Variants in BNC2 observed in about 807,000 individuals in gnomAD.
The protein encoded by BNC2 is zinc finger protein basonuclin-2.
In BNC2, 20 loss-of-function variants were observed where a neutral mutation model predicts 76.3. That is an observed-to-expected ratio of 0.26 (90% confidence interval 0.18 to 0.38). The LOEUF (loss-of-function observed/expected upper bound fraction) is 0.38, where lower values mean the gene tolerates loss of function less well. Ranked by LOEUF, BNC2 falls within the 10% of genes least tolerant of loss-of-function variation. The probability of loss-of-function intolerance (pLI) is 1.00; values close to 1 mark genes in which losing one functional copy is unlikely to be tolerated. For synonymous variants in BNC2, 582 were observed against 514.8 expected, an observed-to-expected ratio of 1.13 and a Z score of -1.77; for missense variants, 1,382 against 1,399.8, an observed-to-expected ratio of 0.99 and a Z score of 0.20.
intron 6 of BNC2, chr9:16,421,390 C>A (rs1293086396): frequency 1.2e-6 from 1 of 806,502 alleles, no homozygotes; most frequent in Non-Finnish European, 1.8e-6. Flanking sequence ...TTCTAGACAT[C>A]TGGTTTTGAA....
At chr9:16,809,352 T>A (rs1418461721) in intron 1 of BNC2, among the ~76,000 whole-genome samples, 5 of 151,152 alleles carry the variant, frequency 3.3e-5, no homozygotes, top group Admixed American at 1.3e-4. Flanking sequence ...GAAAGCTCAA[T>A]TTTTTTTTAT....
intron 3 of BNC2, among the ~76,000 whole-genome samples, chr9:16,670,505 C>G (rs1311039786): frequency 6.6e-6 from 1 of 152,060 alleles, no homozygotes; most frequent in Non-Finnish European, 1.5e-5. Context: ...TTAAGAGTGG[C>G]TGAATAGCTG....
chr9:16,867,709 CCT>C (rs1356050161), intron 1 of BNC2: 2 of 150,060 alleles, frequency 1.3e-5, no homozygotes, highest in Admixed American at 6.7e-5. Context: ...CACCCCCACC[CCT>C]TTTTGAGCCA....
chr9:16,512,481 C>T (rs1054806768), intron 5 of BNC2, among the ~76,000 whole-genome samples: 4 of 140,094 alleles, frequency 2.9e-5, no homozygotes, highest in Non-Finnish European at 4.4e-5. Context: ...AGGTAACACA[C>T]GCGCACACAC....
intron 1 of BNC2, among the ~76,000 whole-genome samples, chr9:16,742,969 T>C (rs1032982998): frequency 2.6e-5 from 4 of 152,210 alleles, no homozygotes; most frequent in African/African-American, 7.2e-5. Context: ...TCAAGTGTAC[T>C]GTCAGAAGGA....
At chr9:16,449,757 T>G (rs1821300533) in intron 5 of BNC2, among the ~76,000 whole-genome samples, 1 of 144,492 alleles carries the variant, frequency 6.9e-6, no homozygotes, top group Non-Finnish European at 1.5e-5. Context: ...GCTGATAGCT[T>G]GGAATTTAGT....
At chr9:16,788,345 A>C (rs1487659207) in intron 1 of BNC2, among the ~76,000 whole-genome samples, 2 of 151,700 alleles carry the variant, frequency 1.3e-5, no homozygotes, top group East Asian at 2.0e-4. Context: ...TGAAGTCAGG[A>C]GATCGAGACC....
chr9:16,742,161 G>T (rs7853424), intron 1 of BNC2, among the ~76,000 whole-genome samples: 137,569 of 152,280 alleles, frequency 0.9, 62,180 homozygotes, highest in Non-Finnish European at 0.92. Context: ...GTATGTAGTG[G>T]TCTAATGTCT....
intron 3 of BNC2, among the ~76,000 whole-genome samples, chr9:16,663,111 G>A (rs1383129393): frequency 8.5e-6 from 1 of 117,662 alleles, no homozygotes; most frequent in Non-Finnish European, 1.9e-5. Flanking sequence ...TGATCCATAG[G>A]CACTCCACTC....
chr9:16,813,638 T>C (rs1311465902), intron 1 of BNC2, among the ~76,000 whole-genome samples: 2 of 152,166 alleles, frequency 1.3e-5, no homozygotes, highest in African/African-American at 2.4e-5. Context: ...AAAGAGGGGA[T>C]GAATAATCAT....
chr9:16,816,534 T>C (rs1010605523), intron 1 of BNC2, among the ~76,000 whole-genome samples: 1 of 152,092 alleles, frequency 6.6e-6, no homozygotes, highest in African/African-American at 2.4e-5. Context: ...ATATACAAAG[T>C]ATAACAATGA....
intron 1 of BNC2, among the ~76,000 whole-genome samples, chr9:16,782,189 G>A (rs1464445779): frequency 2.0e-5 from 3 of 152,024 alleles, no homozygotes; most frequent in Admixed American, 6.6e-5. Context: ...GGAGGCTGAG[G>A]CAGAAGAATT....
intron 5 of BNC2, among the ~76,000 whole-genome samples, chr9:16,538,052 CTCTT>C (rs571929763): frequency 1.4e-4 from 21 of 152,250 alleles, no homozygotes; most frequent in Non-Finnish European, 2.5e-4. Context: ...CTCCAGACGT[CTCTT>C]TGTCAAAGTT....
At position 16,784,317 on chromosome 9, in the gene BNC2, T is replaced by A. The variant is rs945442160; in HGVS notation, c.4-45832A>T. On this transcript the variant is annotated intron_variant, in intron 1 of 6. Transcript: ENST00000380672. Reference sequence around the variant, plus strand: ...AGTCTGGTGCTACTTTTTTAACTATTTACCACTACTACTACTATACTACCA... The same window carrying A: ...AGTCTGGTGCTACTTTTTTAACTATATACCACTACTACTACTATACTACCA... Among the ~76,000 whole-genome samples the A allele has an allele frequency of 5.3e-5, 8 of 152,256 alleles. No individual in the cohort carries two copies. In the East Asian group the frequency reaches 1.4e-3, roughly 26 times the overall value.
At chr9:16,612,348 T>A (rs1264854963) in intron 3 of BNC2, among the ~76,000 whole-genome samples, 3 of 152,206 alleles carry the variant, frequency 2.0e-5, no homozygotes, top group Non-Finnish European at 2.9e-5. Flanking sequence ...ACTGTACACA[T>A]GAAACAGTCT....
chr9:16,559,373 A>G (rs910717634), intron 4 of BNC2, among the ~76,000 whole-genome samples: 1 of 152,216 alleles, frequency 6.6e-6, no homozygotes, highest in African/African-American at 2.4e-5. Flanking sequence ...AGGGAAGCCA[A>G]AAGATTGGAC....
At position 16,415,394 on chromosome 9, in the gene BNC2, T is replaced by C. The variant is rs1193458775; in HGVS notation, c.*3595A>G. 1.3e-5 allele frequency: 2 copies of C among 152,660 alleles called. No homozygotes were observed. Among genetic ancestry groups the C allele is most frequent in the Admixed American group, 1.3e-4 (2 of 15,276 alleles). The allele number at this position is 152,660 out of a possible 1,614,324, so 9.5% of individuals were successfully genotyped here. A position where few individuals can be genotyped will look rare whatever the true frequency, so the allele number is the denominator to read the frequency against. On this transcript the variant is annotated 3_prime_UTR_variant, in exon 7 of 7. Transcript: ENST00000380672. The stretch of plus-strand genomic sequence containing the variant: ...AACATCAGCTAGAGAACATGCACAG[T>C]CATACCGCCTAATTTTGTACCTGTG...
rs561512406 is a variant in BNC2, at chr9:16,416,141, T to A, written c.*2848A>T. The A allele has an allele frequency of 6.6e-6, 1 of 152,344 alleles. No individual in the cohort carries two copies. The highest frequency in any genetic ancestry group is 1.9e-4 in the East Asian group (1 of 5,184). 9.4% of individuals were successfully genotyped at this position (152,344 alleles called of 1,614,324 possible). ...CTCACGAGGGCTATCTGACCTTTTA[T>A]TTGACATTAAATTAAACAGACTAAA... On this transcript the variant is annotated 3_prime_UTR_variant, in exon 7 of 7. Coordinates refer to ENST00000380672, the MANE Select transcript of BNC2 (RefSeq NM_017637.6).
chr9:16,516,861 C>T (rs1253014041), intron 5 of BNC2, among the ~76,000 whole-genome samples: 1 of 152,178 alleles, frequency 6.6e-6, no homozygotes, highest in African/African-American at 2.4e-5. Context: ...GTGATTCTAA[C>T]TCTAAATGAG....
Sources: gnomAD v4.1 joint callset for allele counts (sites outside exome capture counted in the v4.1 genomes callset) on GRCh38, gnomAD v4.1.1 for gene constraint, MANE v1.5 for transcripts, NCBI Gene and HGNC (gene_info 2026-07-23, HGNC 2026-07-21) for gene names.